Variants in BCORL1 observed in about 807,000 individuals in gnomAD.
The protein encoded by BCORL1 is BCL6 corepressor like 1.
A neutral mutation model predicts 87.6 loss-of-function variants in BCORL1; 7 were observed. The observed-to-expected ratio is 0.08, with a 90% CI of 0.05 to 0.15. The LOEUF (loss-of-function observed/expected upper bound fraction) is 0.15. Among genes scored for constraint, BCORL1 ranks in the 10% least tolerant of loss-of-function variants. The pLI, the probability that BCORL1 is intolerant of heterozygous loss-of-function variation, is 1.00. For synonymous variants in BCORL1, 591 were observed against 634.4 expected (o/e 0.93, Z 1.03); for missense variants, 1,215 against 1,499.7 (o/e 0.81, Z 3.13).
chrX:129,986,689 C>T (rs945094347), intron 1 of BCORL1, among the ~76,000 whole-genome samples: 4 of 110,816 alleles, frequency 3.6e-5, no homozygotes, highest in Non-Finnish European at 5.7e-5. Flanking sequence ...TGTGGTGGGG[C>T]GTGCCTGTAA....
rs2061141404 is a variant in BCORL1, at chrX:130,051,806, C to T, written c.4919-54C>T. The T allele has an allele frequency of 3.4e-5, 36 of 1,073,401 alleles. No homozygotes were observed. In the South Asian group the frequency reaches 8.9e-4, roughly 27 times the overall value. The allele number at this position is 1,073,401 out of a possible 1,213,427, so 88.5% of individuals were successfully genotyped here. A position where few individuals can be genotyped will look rare whatever the true frequency, so the allele number is the denominator to read the frequency against. On this transcript the variant is annotated intron_variant, in intron 12 of 13. Transcript: ENST00000540052. ...TTTATCTGCTTAGCGCATTTCTTTTCTTCGGTTTTGTACATGTATCTGAGT... is the reference window on the plus strand; with the variant it reads ...TTTATCTGCTTAGCGCATTTCTTTTTTTCGGTTTTGTACATGTATCTGAGT...
At chrX:130,031,138 C>T (rs1603143818) in intron 8 of BCORL1, among the ~76,000 whole-genome samples, 1 of 113,092 alleles carries the variant, frequency 8.8e-6, no homozygotes, top group Non-Finnish European at 1.9e-5. Flanking sequence ...AGCTTTGGCC[C>T]CCAGAAAGGA....
chrX:130,028,929 GT>G (rs1930414114), intron 8 of BCORL1, 68 bp downstream of exon 8: 6 of 342,704 alleles, frequency 1.8e-5, no homozygotes, highest in South Asian at 8.7e-5. Context: ...CAGGAGGGGG[GT>G]GGGGGATGGG....
At chrX:130,008,271 T>C (rs1047079000) in intron 2 of BCORL1, among the ~76,000 whole-genome samples, 2 of 108,513 alleles carry the variant, frequency 1.8e-5, no homozygotes, top group Non-Finnish European at 3.8e-5. Flanking sequence ...GACATTTTTT[T>C]TTTTTTTTTG....
intron 11 of BCORL1, among the ~76,000 whole-genome samples, chrX:130,048,638 T>A (rs1352419899): frequency 8.9e-6 from 1 of 112,395 alleles, no homozygotes; most frequent in Non-Finnish European, 1.9e-5. Flanking sequence ...CAAAAGATTG[T>A]TAAAACTTTT....
At chrX:130,029,965 C>T (rs1412514287) in intron 8 of BCORL1, among the ~76,000 whole-genome samples, 1 of 111,658 alleles carries the variant, frequency 9.0e-6, no homozygotes, top group Admixed American at 9.5e-5. Flanking sequence ...CTTTGGTGGT[C>T]ATGATTCTTA....
intron 8 of BCORL1, among the ~76,000 whole-genome samples, chrX:130,029,362 CG>C (rs1181931772): frequency 9.0e-6 from 1 of 111,238 alleles, no homozygotes; most frequent in Non-Finnish European, 1.9e-5. Flanking sequence ...CTCATGGAAG[CG>C]TAGATGCTAG....
chrX:129,995,954 A>C (rs1434574683), intron 1 of BCORL1, among the ~76,000 whole-genome samples: 2 of 111,495 alleles, frequency 1.8e-5, no homozygotes. Context: ...TTTCCTATGG[A>C]AAACAATGAG....
chrX:129,999,918 C>T (rs1182344995), intron 1 of BCORL1, among the ~76,000 whole-genome samples: 1 of 110,790 alleles, frequency 9.0e-6, no homozygotes, highest in Non-Finnish European at 1.9e-5. Flanking sequence ...AGGTGATCCA[C>T]CCGTCTCGGC....
chrX:130,049,915 C>G (rs973138871), intron 11 of BCORL1, among the ~76,000 whole-genome samples: 1 of 111,312 alleles, frequency 9.0e-6, no homozygotes, highest in African/African-American at 3.3e-5. Context: ...AGCTCTACAC[C>G]GTATAAAGTG....
At position 130,015,285 on chromosome X, in the gene BCORL1, A is replaced by T. The variant is rs757578945; in HGVS notation, c.2513A>T (p.Gln838Leu). ...VLPVGWSPYH[Q>L]ASLLSIGISS... ...CCTGTTGGCTGGTCCCCGTACCACC[A>T]GGCGTCTCTGCTTTCCATTGGCATT... The change falls in exon 4 of 14, where the codon CAG (glutamine) becomes CTG (leucine). Residue 838 changes from glutamine to leucine, a missense_variant. Transcript: ENST00000540052. The T allele has an allele frequency of 8.3e-7, 1 of 1,211,735 alleles. No homozygotes were observed. The highest frequency in any genetic ancestry group is 3.0e-5 in the East Asian group (1 of 33,856).
At chrX:130,046,376 CT>C (rs1396287846) in intron 11 of BCORL1, among the ~76,000 whole-genome samples, 8 of 105,600 alleles carry the variant, frequency 7.6e-5, no homozygotes, top group African/African-American at 6.8e-5. Flanking sequence ...AAAACATTTT[CT>C]TTTTTTTTTT....
intron 8 of BCORL1, among the ~76,000 whole-genome samples, chrX:130,029,802 C>T (rs944367725): frequency 5.5e-5 from 6 of 109,619 alleles, no homozygotes; most frequent in African/African-American, 2.0e-4. Flanking sequence ...AGGCGCCCAC[C>T]ACCACGCCCG....
At chrX:130,043,036 T>C (rs1261671868) in intron 11 of BCORL1, among the ~76,000 whole-genome samples, 1 of 107,818 alleles carries the variant, frequency 9.3e-6, no homozygotes, top group Admixed American at 9.8e-5. Context: ...CATTCTCTTT[T>C]TTTTTTTTTT....
chrX:130,045,910 A>C (rs972787429), intron 11 of BCORL1, among the ~76,000 whole-genome samples: 2 of 111,066 alleles, frequency 1.8e-5, no homozygotes, highest in Non-Finnish European at 3.8e-5. Flanking sequence ...GAGCCATTGC[A>C]CTGAGCTTCT....
chrX:129,986,674 C>G (rs1362718361), intron 1 of BCORL1, among the ~76,000 whole-genome samples: 2 of 110,629 alleles, frequency 1.8e-5, no homozygotes, highest in Non-Finnish European at 3.8e-5. Flanking sequence ...CAAAAATTAG[C>G]CAGGTGTGGT....
intron 11 of BCORL1, among the ~76,000 whole-genome samples, chrX:130,039,851 G>A (rs1366889574): frequency 1.8e-5 from 2 of 112,674 alleles, no homozygotes; most frequent in Admixed American, 1.9e-4. Flanking sequence ...CTTCTGTAAA[G>A]TGTCTGGTGT....
At chrX:130,016,744 C>A (rs1450464772) in intron 4 of BCORL1, among the ~76,000 whole-genome samples, 1 of 111,278 alleles carries the variant, frequency 9.0e-6, no homozygotes, top group Non-Finnish European at 1.9e-5. Flanking sequence ...GTTTCCTACC[C>A]GCTCGAATGC....
chrX:130,001,133 C>T (rs1020714953), intron 1 of BCORL1, among the ~76,000 whole-genome samples: 2 of 110,886 alleles, frequency 1.8e-5, no homozygotes, highest in African/African-American at 6.6e-5. Flanking sequence ...CCTTGTTGCC[C>T]AGGCTGGAGT....
Sources: gnomAD v4.1 joint callset for allele counts (sites outside exome capture counted in the v4.1 genomes callset) on GRCh38, gnomAD v4.1.1 for gene constraint, MANE v1.5 for transcripts, NCBI Gene and HGNC (gene_info 2026-07-23, HGNC 2026-07-21) for gene names.